The following ACTN4 variants were observed in gnomAD, a reference collection of about 807,000 sequenced individuals.
The protein encoded by ACTN4 is actinin alpha 4.
Under a neutral mutation model 114.2 loss-of-function variants are expected in ACTN4, and 18 were observed. The ratio of observed to expected loss-of-function variants is 0.16; its 90% CI spans 0.11 to 0.23. The LOEUF (loss-of-function observed/expected upper bound fraction) is 0.23. Among genes scored for constraint, ACTN4 ranks in the 10% least tolerant of loss-of-function variants. The pLI is 1.00. For synonymous variants in ACTN4, 515 were observed against 506.3 expected (o/e 1.02, Z -0.23); for missense variants, 722 against 1,262.9 (o/e 0.57, Z 6.49).
At chr19:38,674,394 G>T (rs768188464) in intron 1 of ACTN4, among the ~76,000 whole-genome samples, 1 of 152,146 alleles carries the variant, frequency 6.6e-6, no homozygotes, top group Non-Finnish European at 1.5e-5. Flanking sequence ...TGCAATGAGA[G>T]CTTTGATTCT....
At chr19:38,719,674 G>C (rs1348791345) in intron 11 of ACTN4, among the ~76,000 whole-genome samples, 1 of 152,262 alleles carries the variant, frequency 6.6e-6, no homozygotes, top group African/African-American at 2.4e-5. Context: ...TCGTTCAACA[G>C]ACAGCTCAGG....
At position 38,730,724 on chromosome 19, in the gene ACTN4, T is replaced by G. The variant is rs182281414; in HGVS notation, c.*1292T>G. The G allele has an allele frequency of 3.6e-4, 433 of 1,203,448 alleles. 2 individuals are homozygous for G. The African/African-American group carries it at 5.7e-3, about 16-fold the overall frequency. The allele number at this position is 1,203,448 out of a possible 1,614,324, so 74.5% of individuals were successfully genotyped here. A position where few individuals can be genotyped will look rare whatever the true frequency, so the allele number is the denominator to read the frequency against. On this transcript the variant is annotated 3_prime_UTR_variant, in exon 21 of 21. Coordinates refer to ENST00000252699, the MANE Select transcript of ACTN4 (RefSeq NM_004924.6). ...AGAGTGGTCACCCGGCCGTGAGCAG[T>G]GAGGGCCAGAGACTAGCCCCAGACA...
intron 1 of ACTN4, among the ~76,000 whole-genome samples, chr19:38,694,176 G>A (rs538784328): frequency 1.3e-5 from 2 of 152,258 alleles, no homozygotes; most frequent in East Asian, 1.9e-4. Flanking sequence ...TTTGCGAAGC[G>A]GGTGATCTGC....
chr19:38,730,223 A>ATTT lies in ACTN4; in HGVS notation c.*792_*794dup, dbSNP rs1260122882. On this transcript the variant is annotated 3_prime_UTR_variant, in exon 21 of 21. Coordinates refer to ENST00000252699, the MANE Select transcript of ACTN4 (RefSeq NM_004924.6). Reference sequence around the variant, plus strand: ...TACTATTTACTTTATTAACTTACGGATTTATTATATAAATATATATTCACC... The same window carrying ATTT: ...TACTATTTACTTTATTAACTTACGGATTTTTTATTATATAAATATATATTCACC... The ATTT allele has an allele frequency of 6.4e-6, 1 of 156,708 alleles. No homozygotes were observed. The highest frequency in any genetic ancestry group is 2.4e-5 in the African/African-American group (1 of 41,352). 9.7% of individuals were successfully genotyped at this position (156,708 alleles called of 1,614,324 possible).
intron 1 of ACTN4, among the ~76,000 whole-genome samples, chr19:38,656,218 T>TC (rs886067647): frequency 6.6e-6 from 1 of 152,056 alleles, no homozygotes; most frequent in Non-Finnish European, 1.5e-5. Context: ...GCTCAAGCCA[T>TC]CCCCCCACCT....
rs999373899 is a variant in ACTN4, at chr19:38,709,446, C to A, written c.703C>A (p.Leu235Ile). ...NNAFEVAEKY[L>I]DIPKMLDAED... ...TGCCTTCGAAGTGGCTGAGAAATAC[C>A]TCGACATCCCCAAGATGCTGGATGC... Residue 235 changes from leucine to isoleucine, a missense_variant, in exon 7 of 21, where the codon CTC becomes ATC. Coordinates refer to ENST00000252699, the MANE Select transcript of ACTN4 (RefSeq NM_004924.6). 3 of 1,614,200 alleles carry A rather than the reference C, an allele frequency of 1.9e-6. No individual in the cohort carries two copies. The highest frequency in any genetic ancestry group is 2.5e-6 in the Non-Finnish European group (3 of 1,180,010).
chr19:38,730,788 G>T lies in ACTN4; in HGVS notation c.*1356G>T. 6.5e-7 allele frequency: 1 copy of T among 1,536,908 alleles called. No individual in the cohort carries two copies. On this transcript the variant is annotated 3_prime_UTR_variant, in exon 21 of 21. Coordinates refer to ENST00000252699, the MANE Select transcript of ACTN4 (RefSeq NM_004924.6). ...GAGAGTGGCACCCATGCCAGGCAAG[G>T]CCTAGGGAGGTGGTCTTGCTCAGCA...
intron 17 of ACTN4, 57 bp from the exon 18 acceptor site, chr19:38,726,900 C>T: frequency 6.2e-7 from 1 of 1,609,944 alleles, no homozygotes; most frequent in East Asian, 2.2e-5. Context: ...ACGTGTGAAC[C>T]ACGGTGAGGA....
chr19:38,707,976 C>T, intron 5 of ACTN4, 141 bp from the exon 6 acceptor site: 3 of 865,018 alleles, frequency 3.5e-6, no homozygotes, highest in Non-Finnish European at 3.9e-6. Flanking sequence ...AGCCTCTCTG[C>T]CACACTGTCT....
rs576826964 is a variant in ACTN4, at chr19:38,724,792, C to T, written c.2010+227C>T. Among the ~76,000 whole-genome samples the T allele has an allele frequency of 6.6e-6, 1 of 152,294 alleles. No individual in the cohort carries two copies. The highest frequency in any genetic ancestry group is 2.1e-4 in the South Asian group (1 of 4,832). ...GCTGAGGCGGGCGGATCGCTTGAGC[C>T]CAGGAGTTCGAGACCAGCCTGGGCA... On this transcript the variant is annotated intron_variant, in intron 16 of 20. Coordinates refer to ENST00000252699, the MANE Select transcript of ACTN4 (RefSeq NM_004924.6). This position sits in a 1 kb window ranked among gnomAD's most constrained non-coding sequence, Gnocchi z 7.0.
Position 38,727,950 on chromosome 19 carries a change from A to G in ACTN4, c.2342A>G (p.His781Arg). 8 of 1,612,252 alleles carry G rather than the reference A, an allele frequency of 5.0e-6. No homozygotes were observed. The highest frequency in any genetic ancestry group is 6.8e-6 in the Non-Finnish European group (8 of 1,179,678). ...GCCTTCGGATGGCCCCGGCAGGATCATGGCGGGGCGCTGGGGCCCGAGGAG... is the reference window on the plus strand; with the variant it reads ...GCCTTCGGATGGCCCCGGCAGGATCGTGGCGGGGCGCTGGGGCCCGAGGAG... ...RASFNHFDKD[H>R]GGALGPEEFK... Residue 781 changes from histidine (H) to arginine (R), a missense_variant, in exon 19 of 21, where the codon CAT (histidine) becomes CGT (arginine). By Grantham distance (29) the His-to-Arg change is conservative. Coordinates refer to ENST00000252699, the MANE Select transcript of ACTN4 (RefSeq NM_004924.6). This position sits in a 1 kb window ranked among gnomAD's most constrained non-coding sequence, Gnocchi z 5.4.
intron 1 of ACTN4, among the ~76,000 whole-genome samples, chr19:38,650,922 G>A (rs1259146867): frequency 3.9e-5 from 6 of 152,128 alleles, no homozygotes; most frequent in African/African-American, 1.2e-4. Flanking sequence ...TAGTAGAGAC[G>A]GGGTTTCTCC....
rs772231947 is a variant in ACTN4, at chr19:38,717,480, G to A, written c.1143+164G>A. On this transcript the variant is annotated intron_variant, in intron 10 of 20. Transcript: ENST00000252699. The surrounding 1 kb of genome is among the most constrained non-coding windows in gnomAD (Gnocchi z 4.0). ...GGTCGGGGAGGGGTGCACTTCACTC[G>A]GCATTGTGCTCCCCTTTGGCCCTCA... Among the ~76,000 whole-genome samples, 2 of 152,134 alleles carry A rather than the reference G, an allele frequency of 1.3e-5. No individual in the cohort carries two copies. Among genetic ancestry groups the A allele is most frequent in the Non-Finnish European group, 2.9e-5 (2 of 68,016 alleles).
Position 38,727,173 on chromosome 19 carries a change from T to C in ACTN4, c.2337+70T>C. On this transcript the variant is annotated intron_variant, in intron 18 of 20. Transcript: ENST00000252699. This position sits in a 1 kb window ranked among gnomAD's most constrained non-coding sequence, Gnocchi z 5.4. ...CCGTACCAGCCCACACCTTCGTCTC[T>C]GCATCTGTTCGTCCATTCCCATCAC... The C allele has an allele frequency of 6.2e-7, 1 of 1,608,682 alleles. No homozygotes were observed. Among genetic ancestry groups the C allele is most frequent in the South Asian group, 1.1e-5 (1 of 90,688 alleles).
At chr19:38,725,687 A>G (rs1599859916) in intron 16 of ACTN4, 37 bp from the exon 17 acceptor site, 1 of 1,605,046 alleles carries the variant, frequency 6.2e-7, no homozygotes, top group African/African-American at 1.3e-5. Flanking sequence ...GGGCAGGCCC[A>G]CCAGCCTCAC....
chr19:38,720,855 G>T lies in ACTN4; in HGVS notation c.1292-683G>T, dbSNP rs371671983. ...GCAGGGCCCCTGTAGGAGCTGGGGTGCAGCCACCTTCCCAGGCTGGCATTT... is the reference window on the plus strand; with the variant it reads ...GCAGGGCCCCTGTAGGAGCTGGGGTTCAGCCACCTTCCCAGGCTGGCATTT... On this transcript the variant is annotated intron_variant, in intron 11 of 20. Transcript: ENST00000252699. Among the ~76,000 whole-genome samples the T allele has an allele frequency of 4.6e-5, 7 of 152,362 alleles. No individual in the cohort carries two copies. The East Asian group carries it at 1.3e-3, about 29-fold the overall frequency.
rs532337063 is a variant in ACTN4 at position 38,713,895 on chromosome 19, A to G, written c.820-574A>G. ...CTCCTGTAGTTCAGGCCCAGGGACTATGTCCACCACTCTCACCCTCCAAAG... is the reference window on the plus strand; with the variant it reads ...CTCCTGTAGTTCAGGCCCAGGGACTGTGTCCACCACTCTCACCCTCCAAAG... On this transcript the variant is annotated intron_variant, in intron 8 of 20. Transcript: ENST00000252699. Among the ~76,000 whole-genome samples, 31 of 152,154 alleles carry G rather than the reference A, an allele frequency of 2.0e-4. 1 individual carries two copies. The South Asian group carries it at 5.2e-3, about 25-fold the overall frequency.
In ACTN4 at chr19:38,726,954, C is replaced by T. The variant is rs766483215; in HGVS notation, c.2191-3C>T. The T allele has an allele frequency of 1.9e-6, 3 of 1,613,890 alleles. No homozygotes were observed. The highest frequency in any genetic ancestry group is 3.3e-5 in the Admixed American group (2 of 60,024). On this transcript the variant is annotated splice_region_variant and splice_polypyrimidine_tract_variant and intron_variant, in intron 17 of 20. Coordinates refer to ENST00000252699, the MANE Select transcript of ACTN4 (RefSeq NM_004924.6). ...CCACGATCACGCCCCCGTCTTTCCG[C>T]AGCACATCCGCGTGGGCTGGGAGCA... is the stretch of plus-strand genomic sequence containing the variant.
rs954576978 is a variant in ACTN4 at position 38,729,732 on chromosome 19, G to C, written c.*300G>C. On this transcript the variant is annotated 3_prime_UTR_variant, in exon 21 of 21. Coordinates refer to ENST00000252699, the MANE Select transcript of ACTN4 (RefSeq NM_004924.6). ...CCAGTGGATTCCCACAGCACAACCG[G>C]TCCCTTCCATGCCCTGGGATGCCTC... The C allele has an allele frequency of 1.5e-5, 9 of 589,336 alleles. No homozygotes were observed. The highest frequency in any genetic ancestry group is 1.3e-5 in the Non-Finnish European group (4 of 315,178). 36.5% of individuals were successfully genotyped at this position (589,336 alleles called of 1,614,324 possible). A position where few individuals can be genotyped will look rare whatever the true frequency, so the allele number is the denominator to read the frequency against.
Sources: allele counts gnomAD v4.1 joint callset (sites outside exome capture counted in the v4.1 genomes callset), GRCh38; gene constraint gnomAD v4.1.1; non-coding constraint Gnocchi (gnomAD v3.1); transcripts MANE v1.5; gene names NCBI Gene and HGNC (gene_info 2026-07-23, HGNC 2026-07-21).